Variants in HNRNPH2 observed in about 807,000 individuals in gnomAD.
HNRNPH2 encodes FTP-3.
For missense variants in HNRNPH2, 115 were observed against 352.9 expected, an observed-to-expected ratio of 0.33 and a Z score of 5.40; for synonymous variants, 128 against 128.2, an observed-to-expected ratio of 1.00 and a Z score of 0.01.
chrX:101,411,829 A>G, intron 1 of HNRNPH2, 107 bp from the exon 2 acceptor site: 1 of 866,679 alleles, frequency 1.2e-6, no homozygotes, highest in Non-Finnish European at 1.6e-6. Context: ...GACGTCTTAC[A>G]GAAAAGCTGT....
chrX:101,408,266 C>G lies in HNRNPH2; in HGVS notation c.-107C>G, dbSNP rs1233113137. On this transcript the variant is annotated 5_prime_UTR_variant, in exon 1 of 2. Transcript: ENST00000316594. ...AGTAGTTCTGGTCGTCGTCTACCGT[C>G]TCGCTATAGCCGTTTGAGGGAAGAA... The G allele has an allele frequency of 3.6e-6, 1 of 278,315 alleles. No homozygotes were observed. Among genetic ancestry groups the G allele is most frequent in the Non-Finnish European group, 6.5e-6 (1 of 153,048 alleles). The allele number at this position is 278,315 out of a possible 1,213,427, so 22.9% of individuals were successfully genotyped here.
At chrX:101,408,453 A>T (rs1037950486) in intron 1 of HNRNPH2, 134 bp downstream of exon 1, 2 of 141,174 alleles carry the variant, frequency 1.4e-5, no homozygotes, top group Non-Finnish European at 1.4e-5. Context: ...CCTCCCCCCC[A>T]TCTCAGTGCC....
At position 101,413,370 on chromosome X, in the gene HNRNPH2, A is replaced by T; in HGVS notation, c.*32A>T. 2 of 1,107,018 alleles carry T rather than the reference A, an allele frequency of 1.8e-6. No individual in the cohort carries two copies. The highest frequency in any genetic ancestry group is 6.0e-5 in the East Asian group (2 of 33,214). 91.2% of individuals were successfully genotyped at this position (1,107,018 alleles called of 1,213,427 possible). On this transcript the variant is annotated 3_prime_UTR_variant, in exon 2 of 2. Coordinates refer to ENST00000316594, the MANE Select transcript of HNRNPH2 (RefSeq NM_019597.5). ...AAGGAGCACTAAATAGCTACTCCAG[A>T]TATAAAAGCTGTACATTTGTGGGAG...
intron 1 of HNRNPH2, among the ~76,000 whole-genome samples, chrX:101,409,646 A>T (rs1193399155): frequency 8.9e-6 from 1 of 111,876 alleles, no homozygotes; most frequent in Non-Finnish European, 1.9e-5. Flanking sequence ...TTAAAACTGT[A>T]TAGAAGTATA....
In HNRNPH2 at chrX:101,413,110, C is replaced by T; in HGVS notation, c.1122C>T (p.His374=). The change falls in exon 2 of 2, where the codon CAC becomes CAT. Residue 374 remains histidine, a synonymous_variant. Coordinates refer to ENST00000316594, the MANE Select transcript of HNRNPH2 (RefSeq NM_019597.5). ...GAACAAGTGGGGGTGCTTACGATCA[C>T]AGCTATGTAGAACTTTTTTTGAATT... ...TAGTSGGAYD[H]SYVELFLNST... 1.7e-6 allele frequency: 2 copies of T among 1,211,697 alleles called. No individual in the cohort carries two copies. The highest frequency in any genetic ancestry group is 2.2e-6 in the Non-Finnish European group (2 of 895,372).
rs782264715 is a variant in HNRNPH2 at position 101,413,379 on chromosome X, C to T, written c.*41C>T. 1.8e-6 allele frequency: 2 copies of T among 1,084,828 alleles called. No homozygotes were observed. The highest frequency in any genetic ancestry group is 4.4e-5 in the South Asian group (2 of 45,722). The allele number at this position is 1,084,828 out of a possible 1,213,427, so 89.4% of individuals were successfully genotyped here. A position where few individuals can be genotyped will look rare whatever the true frequency, so the allele number is the denominator to read the frequency against. On this transcript the variant is annotated 3_prime_UTR_variant, in exon 2 of 2. Coordinates refer to ENST00000316594, the MANE Select transcript of HNRNPH2 (RefSeq NM_019597.5). ...TAAATAGCTACTCCAGATATAAAAGCTGTACATTTGTGGGAGTTGAATAGA... is the reference window on the plus strand; with the variant it reads ...TAAATAGCTACTCCAGATATAAAAGTTGTACATTTGTGGGAGTTGAATAGA...
intron 1 of HNRNPH2, among the ~76,000 whole-genome samples, chrX:101,408,956 T>G (rs1928670411): frequency 9.0e-6 from 1 of 111,686 alleles, no homozygotes; most frequent in African/African-American, 3.3e-5. Flanking sequence ...AAAATGTGTA[T>G]AACACACATA....
intron 1 of HNRNPH2, among the ~76,000 whole-genome samples, chrX:101,410,197 A>G (rs190252816): frequency 8.8e-4 from 99 of 112,665 alleles, no homozygotes; most frequent in African/African-American, 3.1e-3. Flanking sequence ...TTCAAAGAAT[A>G]TATAGCTCCA....
rs1928875128 is a variant in HNRNPH2 at position 101,413,568 on chromosome X, C to A, written c.*230C>A. The stretch of plus-strand genomic sequence containing the variant: ...ATTACAGGCTTGTGATTCATGCTTA[C>A]TGTAAAGTGGAAGTTGAGATTATTT... On this transcript the variant is annotated 3_prime_UTR_variant, in exon 2 of 2. Transcript: ENST00000316594. 4 of 322,492 alleles carry A rather than the reference C, an allele frequency of 1.2e-5. No homozygotes were observed. The highest frequency in any genetic ancestry group is 1.1e-4 in the African/African-American group (4 of 36,863). The allele number at this position is 322,492 out of a possible 1,213,427, so 26.6% of individuals were successfully genotyped here. A position where few individuals can be genotyped will look rare whatever the true frequency, so the allele number is the denominator to read the frequency against.
At chrX:101,409,295 A>G (rs1314877586) in intron 1 of HNRNPH2, among the ~76,000 whole-genome samples, 1 of 112,604 alleles carries the variant, frequency 8.9e-6, no homozygotes, top group Non-Finnish European at 1.9e-5. Flanking sequence ...AATGTTTGTT[A>G]AATCGTTTCC....
intron 1 of HNRNPH2, 123 bp from the exon 2 acceptor site, chrX:101,411,813 T>G: frequency 1.3e-6 from 1 of 755,467 alleles, no homozygotes; most frequent in South Asian, 3.1e-5. Context: ...ACTCTCTGTT[T>G]ATACAGACGT....
chrX:101,412,770 G>T lies in HNRNPH2; in HGVS notation c.782G>T (p.Gly261Val). The change falls in exon 2 of 2, where the codon GGA becomes GTA. Residue 261 changes from glycine to valine, a missense_variant. Gly to Val is a moderately radical substitution (Grantham distance 109). Coordinates refer to ENST00000316594, the MANE Select transcript of HNRNPH2 (RefSeq NM_019597.5). ...TATGGCTTTGGGTCTGATAGATTTG[G>T]AAGAGACCTCAATTACTGTTTTTCA... ...DGYGFGSDRF[G>V]RDLNYCFSGM... is the part of the protein sequence containing the mutation. 1 of 1,210,072 alleles carries T rather than the reference G, an allele frequency of 8.3e-7. No homozygotes were observed. The highest frequency in any genetic ancestry group is 1.1e-6 in the Non-Finnish European group (1 of 893,982).
chrX:101,412,774 A>G lies in HNRNPH2; in HGVS notation c.786A>G (p.Arg262=), dbSNP rs1482033202. 3.8e-5 allele frequency: 46 copies of G among 1,207,924 alleles called. No homozygotes were observed. Among genetic ancestry groups the G allele is most frequent in the Non-Finnish European group, 5.1e-5 (46 of 893,446 alleles). The change falls in exon 2 of 2, where the codon AGA becomes AGG. Residue 262 remains arginine (R), a synonymous_variant. Coordinates refer to ENST00000316594, the MANE Select transcript of HNRNPH2 (RefSeq NM_019597.5). ...GYGFGSDRFG[R]DLNYCFSGMS... ...GCTTTGGGTCTGATAGATTTGGAAG[A>G]GACCTCAATTACTGTTTTTCAGGAA...
At position 101,412,647 on chromosome X, in the gene HNRNPH2, A is replaced by G; in HGVS notation, c.659A>G (p.Asn220Ser). The G allele has an allele frequency of 8.3e-7, 1 of 1,211,164 alleles. No individual in the cohort carries two copies. The highest frequency in any genetic ancestry group is 1.1e-6 in the Non-Finnish European group (1 of 894,691). The change falls in exon 2 of 2, where the codon AAT (asparagine) becomes AGT (serine). Residue 220 changes from asparagine (N) to serine (S), a missense_variant. By Grantham distance (46) the Asn-to-Ser change is conservative. Transcript: ENST00000316594. ...YDRPGAGRGY[N>S]SIGRGAGFER... is the part of the protein sequence containing the mutation. Reference sequence around the variant, plus strand: ...AGGCCGGGGGCTGGCAGAGGGTATAATAGCATTGGCAGAGGAGCTGGGTTT... The same window carrying G: ...AGGCCGGGGGCTGGCAGAGGGTATAGTAGCATTGGCAGAGGAGCTGGGTTT...
At position 101,413,481 on chromosome X, in the gene HNRNPH2, T is replaced by A; in HGVS notation, c.*143T>A. ...TTGATTCTGATCACTCTTGGTCAGCTTCTCTTTCTTTATCTTTCTTTCTCC... is the reference window on the plus strand; with the variant it reads ...TTGATTCTGATCACTCTTGGTCAGCATCTCTTTCTTTATCTTTCTTTCTCC... On this transcript the variant is annotated 3_prime_UTR_variant, in exon 2 of 2. Coordinates refer to ENST00000316594, the MANE Select transcript of HNRNPH2 (RefSeq NM_019597.5). The A allele has an allele frequency of 4.4e-6, 2 of 456,107 alleles. No homozygotes were observed. Among genetic ancestry groups the A allele is most frequent in the Non-Finnish European group, 7.1e-6 (2 of 279,805 alleles). 37.6% of individuals were successfully genotyped at this position (456,107 alleles called of 1,213,427 possible).
chrX:101,413,195 T>C lies in HNRNPH2; in HGVS notation c.1207T>C (p.Ser403Pro). Residue 403 changes from serine (S) to proline (P), a missense_variant, in exon 2 of 2, where the codon TCC becomes CCC. Transcript: ENST00000316594. The stretch of plus-strand genomic sequence containing the variant: ...CCAAATGATGGGAGGGATGGGCTTA[T>C]CCAACCAGTCTAGTTATGGAGGTCC... ...GSQMMGGMGL[S>P]NQSSYGGPAS... The C allele has an allele frequency of 8.3e-7, 1 of 1,211,657 alleles. No individual in the cohort carries two copies. The highest frequency in any genetic ancestry group is 1.1e-6 in the Non-Finnish European group (1 of 895,450).
chrX:101,409,681 T>G (rs1914343283), intron 1 of HNRNPH2, among the ~76,000 whole-genome samples: 1 of 111,221 alleles, frequency 9.0e-6, no homozygotes, highest in Non-Finnish European at 1.9e-5. Context: ...AAAAGCCCAC[T>G]TCACCCCCCC....
At chrX:101,409,743 A>G (rs192241077) in intron 1 of HNRNPH2, among the ~76,000 whole-genome samples, 1 of 111,623 alleles carries the variant, frequency 9.0e-6, no homozygotes, top group African/African-American at 3.3e-5. Flanking sequence ...TTATTTATTT[A>G]CATACGTATA....
chrX:101,413,487 T>C lies in HNRNPH2; in HGVS notation c.*149T>C, dbSNP rs1555988638. On this transcript the variant is annotated 3_prime_UTR_variant, in exon 2 of 2. Transcript: ENST00000316594. ...CTGATCACTCTTGGTCAGCTTCTCT[T>C]TCTTTATCTTTCTTTCTCCTTTTTT... 1 of 425,305 alleles carries C rather than the reference T, an allele frequency of 2.4e-6. No individual in the cohort carries two copies. The highest frequency in any genetic ancestry group is 2.7e-5 in the African/African-American group (1 of 37,266). The allele number at this position is 425,305 out of a possible 1,213,427, so 35.0% of individuals were successfully genotyped here.
Sources: gnomAD v4.1 joint callset for allele counts (sites outside exome capture counted in the v4.1 genomes callset) on GRCh38, gnomAD v4.1.1 for gene constraint, MANE v1.5 for transcripts, NCBI Gene and HGNC (gene_info 2026-07-23, HGNC 2026-07-21) for gene names.